Variants in PCDHGA6 observed in about 807,000 individuals in gnomAD.
PCDHGA6 encodes protocadherin gamma-A6.
PCDHGA6 carries 41 observed loss-of-function variants against 60.6 expected under a neutral mutation model. The observed-to-expected ratio is 0.68, with a 90% CI of 0.53 to 0.88. The LOEUF (loss-of-function observed/expected upper bound fraction) is 0.88. PCDHGA6 is among the 40% of genes least tolerant of loss of function. PCDHGA6 has a pLI of 0.00. For synonymous variants in PCDHGA6, 594 were observed against 524.4 expected (o/e 1.13, Z -1.81); for missense variants, 1,312 against 1,203.0 (o/e 1.09, Z -1.34).
intron 1 of PCDHGA6, chr5:141,415,608 T>C (rs1391331847): frequency 6.2e-7 from 1 of 1,613,366 alleles, no homozygotes; most frequent in Non-Finnish European, 8.5e-7. Flanking sequence ...CCCCATTGGT[T>C]CCAGTGAGTT....
intron 1 of PCDHGA6, chr5:141,395,256 T>G: frequency 6.4e-7 from 1 of 1,554,392 alleles, no homozygotes; most frequent in East Asian, 2.3e-5. Flanking sequence ...AGTTCTTTGC[T>G]TGCTTTTAAT....
intron 1 of PCDHGA6, among the ~76,000 whole-genome samples, chr5:141,435,539 C>T (rs75717921): frequency 1.3e-5 from 2 of 152,226 alleles, no homozygotes; most frequent in South Asian, 4.1e-4. Flanking sequence ...TCAGAATTAA[C>T]AAAATGTGTT....
intron 1 of PCDHGA6, chr5:141,403,838 G>C: frequency 6.2e-7 from 1 of 1,613,710 alleles, no homozygotes; most frequent in Non-Finnish European, 8.5e-7. Context: ...CCAGCTTAAT[G>C]AAAATACTGG....
At chr5:141,443,328 A>C (rs569134076) in intron 1 of PCDHGA6, among the ~76,000 whole-genome samples, 24 of 151,794 alleles carry the variant, frequency 1.6e-4, no homozygotes, top group African/African-American at 4.8e-4. Context: ...AAAAAAAAAA[A>C]ACAAAAATTA....
intron 3 of PCDHGA6, among the ~76,000 whole-genome samples, chr5:141,509,437 C>T (rs923580110): frequency 2.6e-5 from 4 of 152,104 alleles, no homozygotes; most frequent in African/African-American, 9.7e-5. Context: ...ACTCTTGTTT[C>T]CTCCTCTCCC....
chr5:141,492,285 A>T (rs2099739112), intron 1 of PCDHGA6, among the ~76,000 whole-genome samples: 1 of 152,132 alleles, frequency 6.6e-6, no homozygotes, highest in African/African-American at 2.4e-5. Flanking sequence ...CGCCCCGCCA[A>T]CACGTGCGCG....
chr5:141,397,893 G>T (rs1442552386), intron 1 of PCDHGA6: 4 of 650,466 alleles, frequency 6.1e-6, no homozygotes, highest in African/African-American at 5.5e-5. Flanking sequence ...GTTGGCCAAA[G>T]TGCAGAGCTT....
intron 1 of PCDHGA6, among the ~76,000 whole-genome samples, chr5:141,459,307 A>G (rs1175102009): frequency 6.6e-6 from 1 of 152,198 alleles, no homozygotes; most frequent in Non-Finnish European, 1.5e-5. Context: ...AACATATACT[A>G]TTTTGTATCC....
chr5:141,374,484 TAAAGG>T lies in PCDHGA6; in HGVS notation c.404_408del (p.Lys135ArgfsTer23). On this transcript the variant is annotated frameshift_variant, in exon 1 of 4. Coordinates refer to ENST00000517434, the MANE Select transcript of PCDHGA6 (RefSeq NM_018919.3). LOFTEE classifies it high-confidence loss of function. Reference sequence around the variant, plus strand: ...ATTAATGACAATACACCCCGATTCTTAAAGGAAGAATTGGAAGTGAAAATTCTCGA... The same window carrying T: ...ATTAATGACAATACACCCCGATTCTTAAGAATTGGAAGTGAAAATTCTCGA... 6.2e-7 allele frequency: 1 copy of T among 1,611,588 alleles called. No individual in the cohort carries two copies. Among genetic ancestry groups the T allele is most frequent in the Non-Finnish European group, 8.5e-7 (1 of 1,177,840 alleles).
intron 2 of PCDHGA6, among the ~76,000 whole-genome samples, chr5:141,504,948 T>C (rs1044527570): frequency 2.0e-5 from 3 of 152,080 alleles, no homozygotes; most frequent in Admixed American, 1.3e-4. Flanking sequence ...GAATGCACTA[T>C]GTTCAATGCA....
chr5:141,409,809 A>T (rs754765049), intron 1 of PCDHGA6: 62 of 1,611,424 alleles, frequency 3.8e-5, no homozygotes, highest in Non-Finnish European at 7.6e-6. Context: ...CAGGCCCGCG[A>T]CCACGGCTCG....
chr5:141,380,372 C>G (rs73265858), intron 1 of PCDHGA6, among the ~76,000 whole-genome samples: 1 of 151,948 alleles, frequency 6.6e-6, no homozygotes, highest in African/African-American at 2.4e-5. Context: ...AAAAAAAAGT[C>G]CCAAAAAAGA....
At chr5:141,447,032 C>A (rs1412709585) in intron 1 of PCDHGA6, among the ~76,000 whole-genome samples, 1 of 149,498 alleles carries the variant, frequency 6.7e-6, no homozygotes, top group Admixed American at 6.6e-5. Context: ...TGTTTTTTTT[C>A]TGTGTCTGGA....
At chr5:141,454,313 G>A (rs986902404) in intron 1 of PCDHGA6, among the ~76,000 whole-genome samples, 1 of 152,296 alleles carries the variant, frequency 6.6e-6, no homozygotes, top group Non-Finnish European at 1.5e-5. Context: ...TCAAAGCATT[G>A]AAACCTCCAA....
chr5:141,490,985 C>T lies in PCDHGA6; in HGVS notation c.2425-3822C>T. On this transcript the variant is annotated intron_variant, in intron 1 of 3. Transcript: ENST00000517434. This position sits in a 1 kb window ranked among gnomAD's most constrained non-coding sequence, Gnocchi z 5.4. ...TCAGCCCCCCAGCGTCTCCCTCGCT[C>T]TGCTCCTCCTGGCTCCTTGGTCACC... The T allele has an allele frequency of 1.9e-6, 3 of 1,614,128 alleles. No individual in the cohort carries two copies. The highest frequency in any genetic ancestry group is 2.5e-6 in the Non-Finnish European group (3 of 1,180,032).
chr5:141,509,645 G>C (rs138497208), intron 3 of PCDHGA6, among the ~76,000 whole-genome samples: 8 of 152,338 alleles, frequency 5.3e-5, no homozygotes, highest in African/African-American at 1.9e-4. Context: ...GCCAGGGCCA[G>C]AGTGTGGACT....
At chr5:141,466,180 A>T (rs566514149) in intron 1 of PCDHGA6, among the ~76,000 whole-genome samples, 100 of 151,254 alleles carry the variant, frequency 6.6e-4, no homozygotes, top group African/African-American at 2.1e-3. Context: ...TTTTATTTTT[A>T]TTTTTTTTCA....
intron 1 of PCDHGA6, among the ~76,000 whole-genome samples, chr5:141,380,809 T>G (rs1475702152): frequency 6.6e-6 from 1 of 152,192 alleles, no homozygotes; most frequent in Non-Finnish European, 1.5e-5. Flanking sequence ...AAATGTGAGA[T>G]GAAACTATGA....
Position 141,486,824 on chromosome 5 carries a change from G to A in PCDHGA6, c.2425-7983G>A, listed in dbSNP as rs749609525. On this transcript the variant is annotated intron_variant, in intron 1 of 3. Coordinates refer to ENST00000517434, the MANE Select transcript of PCDHGA6 (RefSeq NM_018919.3). The surrounding 1 kb of genome is among the most constrained non-coding windows in gnomAD (Gnocchi z 5.0). ...CCCACCCCTTAGCAGCACTGTAACA[G>A]TTCGTCTATTTGTGCTGGACCTCAA... is the stretch of plus-strand genomic sequence containing the variant. 1 of 1,614,218 alleles carries A rather than the reference G, an allele frequency of 6.2e-7. No homozygotes were observed. Among genetic ancestry groups the A allele is most frequent in the Non-Finnish European group, 8.5e-7 (1 of 1,180,028 alleles).
Sources: gnomAD v4.1 joint callset for allele counts (sites outside exome capture counted in the v4.1 genomes callset) on GRCh38, gnomAD v4.1.1 for gene constraint, Gnocchi (gnomAD v3.1) non-coding constraint, MANE v1.5 for transcripts, NCBI Gene and HGNC (gene_info 2026-07-23, HGNC 2026-07-21) for gene names.